The following SETD3 variants were observed in gnomAD, a reference collection of about 807,000 sequenced individuals.
SETD3 encodes actin-histidine N-methyltransferase.
SETD3 carries 19 observed loss-of-function variants against 63.0 expected under a neutral mutation model. That is an observed-to-expected ratio of 0.30 (90% CI 0.21 to 0.44). The LOEUF (loss-of-function observed/expected upper bound fraction) is 0.44. Among genes scored for constraint, SETD3 ranks in the 20% least tolerant of loss-of-function variants. The pLI is 1.00. For synonymous variants in SETD3, 286 were observed against 264.1 expected (o/e 1.08, Z -0.80); for missense variants, 587 against 728.5 (o/e 0.81, Z 2.24).
chr14:99,433,896 G>T (rs141064208), intron 6 of SETD3, among the ~76,000 whole-genome samples: 4 of 152,060 alleles, frequency 2.6e-5, no homozygotes, highest in African/African-American at 9.7e-5. Context: ...TCAGAATATC[G>T]CAAAAAACCA....
intron 6 of SETD3, among the ~76,000 whole-genome samples, chr14:99,428,169 C>T (rs1341616937): frequency 1.3e-5 from 2 of 152,212 alleles, no homozygotes; most frequent in East Asian, 1.9e-4. Flanking sequence ...CCAAGCAGTG[C>T]TACCCATCTG....
At chr14:99,450,173 A>G (rs1297823458) in intron 6 of SETD3, among the ~76,000 whole-genome samples, 4 of 152,236 alleles carry the variant, frequency 2.6e-5, no homozygotes, top group South Asian at 2.1e-4. Flanking sequence ...TATGCTACTG[A>G]GCGTCTAAAC....
intron 6 of SETD3, among the ~76,000 whole-genome samples, chr14:99,428,093 CAT>C (rs373339905): frequency 6.3e-4 from 96 of 152,354 alleles, no homozygotes; most frequent in African/African-American, 2.2e-3. Context: ...AGTCCCAACA[CAT>C]GAGGCCCTGC....
chr14:99,416,674 C>T (rs913023080), intron 6 of SETD3, among the ~76,000 whole-genome samples: 1 of 152,174 alleles, frequency 6.6e-6, no homozygotes, highest in African/African-American at 2.4e-5. Flanking sequence ...GCAGCAGCGG[C>T]AATGGGGTCT....
intron 1 of SETD3, among the ~76,000 whole-genome samples, chr14:99,479,931 G>C (rs1480357230): frequency 6.6e-6 from 1 of 151,616 alleles, no homozygotes; most frequent in Non-Finnish European, 1.5e-5. Flanking sequence ...GCGCGTCACT[G>C]TCAGCTCCTT....
chr14:99,417,830 T>TAC (rs1487994424), intron 6 of SETD3, among the ~76,000 whole-genome samples: 3 of 152,144 alleles, frequency 2.0e-5, no homozygotes, highest in Non-Finnish European at 4.4e-5. Flanking sequence ...TTTCCATAAA[T>TAC]ACATGGAGAG....
chr14:99,446,360 T>C (rs1010021775), intron 6 of SETD3, among the ~76,000 whole-genome samples: 1 of 152,220 alleles, frequency 6.6e-6, no homozygotes, highest in Non-Finnish European at 1.5e-5. Flanking sequence ...TTTCTTCTAA[T>C]TTGTTTAATT....
chr14:99,410,912 C>G (rs900725302), intron 8 of SETD3, among the ~76,000 whole-genome samples: 16 of 152,166 alleles, frequency 1.1e-4, no homozygotes, highest in African/African-American at 2.9e-4. Flanking sequence ...TCAGGGTAGA[C>G]TGACAATAAG....
rs986402876 is a variant in SETD3, at chr14:99,399,067, T to C, written c.1397A>G (p.Lys466Arg). The C allele has an allele frequency of 6.2e-7, 1 of 1,614,106 alleles. No individual in the cohort carries two copies. Among genetic ancestry groups the C allele is most frequent in the Non-Finnish European group, 8.5e-7 (1 of 1,180,030 alleles). The change falls in exon 13 of 13, where the codon AAA (lysine) becomes AGA (arginine). Residue 466 changes from lysine to arginine, a missense_variant. By Grantham distance (26) the Lys-to-Arg change is conservative. Coordinates refer to ENST00000331768, the MANE Select transcript of SETD3 (RefSeq NM_032233.3). Reference sequence around the variant, plus strand: ...AATCTCTTTCTCACCTAAGCGCAATTTGATGGCCATTTTTGCACGAACAGA... The same window carrying C: ...AATCTCTTTCTCACCTAAGCGCAATCTGATGGCCATTTTTGCACGAACAGA... ...DLSVRAKMAI[K>R]LRLGEKEILE... is the part of the protein sequence containing the mutation.
intron 6 of SETD3, among the ~76,000 whole-genome samples, chr14:99,425,795 GA>G (rs1170625047): frequency 6.6e-6 from 1 of 152,172 alleles, no homozygotes; most frequent in Non-Finnish European, 1.5e-5. Context: ...AGCACTTAAT[GA>G]ATCTACTGCA....
At chr14:99,433,086 AG>A (rs1322255622) in intron 6 of SETD3, among the ~76,000 whole-genome samples, 1 of 152,228 alleles carries the variant, frequency 6.6e-6, no homozygotes, top group Non-Finnish European at 1.5e-5. Context: ...CGCATCCAGA[AG>A]AAAAAGCCAA....
intron 6 of SETD3, among the ~76,000 whole-genome samples, chr14:99,421,885 A>T (rs1234886832): frequency 1.3e-5 from 2 of 152,210 alleles, no homozygotes; most frequent in Non-Finnish European, 2.9e-5. Context: ...CTACTTTTAT[A>T]AATAGTCTTA....
At chr14:99,405,925 G>A (rs555419924) in intron 9 of SETD3, among the ~76,000 whole-genome samples, 1 of 152,222 alleles carries the variant, frequency 6.6e-6, no homozygotes, top group Non-Finnish European at 1.5e-5. Context: ...TTTTCATTTT[G>A]TCTCAACTGG....
Position 99,463,750 on chromosome 14 carries a change from C to G in SETD3, c.104-172G>C, listed in dbSNP as rs116502598. 1.0e-3 allele frequency among the ~76,000 whole-genome samples: 155 copies of G among 152,290 alleles called. 1 individual carries two copies. The highest frequency in any genetic ancestry group is 3.4e-3 in the African/African-American group (142 of 41,560). On this transcript the variant is annotated intron_variant, in intron 2 of 12. Transcript: ENST00000331768. Reference sequence around the variant, plus strand: ...GAATGTGAGAAGTACAAGGCAGGTACACTTCTCAAAGCAGACAAACCCTGG... The same window carrying G: ...GAATGTGAGAAGTACAAGGCAGGTAGACTTCTCAAAGCAGACAAACCCTGG...
intron 7 of SETD3, among the ~76,000 whole-genome samples, chr14:99,413,642 G>A (rs1449497893): frequency 6.6e-6 from 1 of 152,156 alleles, no homozygotes; most frequent in African/African-American, 2.4e-5. Context: ...AGTAGCATTT[G>A]GCTACCTCAG....
chr14:99,403,162 T>C (rs574336883), intron 11 of SETD3, among the ~76,000 whole-genome samples: 55 of 152,298 alleles, frequency 3.6e-4, no homozygotes, highest in African/African-American at 1.3e-3. Context: ...GTTTCGGGAC[T>C]AGGTTTTTTC....
At chr14:99,465,123 G>A (rs571026691) in intron 2 of SETD3, among the ~76,000 whole-genome samples, 4 of 152,240 alleles carry the variant, frequency 2.6e-5, no homozygotes, top group South Asian at 4.2e-4. Flanking sequence ...GTGAGAGAGC[G>A]GGACCCTGTT....
chr14:99,404,405 C>G, intron 10 of SETD3, 95 bp from the exon 11 acceptor site: 1 of 1,096,248 alleles, frequency 9.1e-7, no homozygotes, highest in Non-Finnish European at 1.4e-6. Flanking sequence ...TGTGGTTGTC[C>G]TCAAGGAGAG....
chr14:99,467,180 C>A (rs1454527948), intron 1 of SETD3, among the ~76,000 whole-genome samples: 1 of 152,084 alleles, frequency 6.6e-6, no homozygotes, highest in Non-Finnish European at 1.5e-5. Context: ...ATGTGTAACA[C>A]ATTAATATAA....
Sources: gnomAD v4.1 joint callset for allele counts (sites outside exome capture counted in the v4.1 genomes callset) on GRCh38, gnomAD v4.1.1 for gene constraint, MANE v1.5 for transcripts, NCBI Gene and HGNC (gene_info 2026-07-23, HGNC 2026-07-21) for gene names.